CPA4: variants seen among roughly 807,000 people sequenced by gnomAD.
CPA4 encodes carboxypeptidase A4.
Under a neutral mutation model 54.7 loss-of-function variants are expected in CPA4, and 49 were observed. That is an observed-to-expected ratio of 0.90 (90% CI 0.71 to 1.14). CPA4 has a LOEUF of 1.14. Among genes scored for constraint, CPA4 ranks in the 50% most tolerant of loss-of-function variants. CPA4 has a pLI of 0.00. For missense variants in CPA4, 487 were observed against 525.1 expected, an observed-to-expected ratio of 0.93 and a Z score of 0.71; for synonymous variants, 215 against 206.8, an observed-to-expected ratio of 1.04 and a Z score of -0.34.
In CPA4 at chr7:130,305,806, C is replaced by A. The variant is rs375340609; in HGVS notation, c.487-10C>A. 2.4e-5 allele frequency: 39 copies of A among 1,611,860 alleles called. No individual in the cohort carries two copies. Among genetic ancestry groups the A allele is most frequent in the Non-Finnish European group, 3.3e-5 (39 of 1,178,062 alleles). Reference sequence around the variant, plus strand: ...GGCGGTCATTTTCGAGCCTTTTCTCCCTTCTGCAGTTCAGCACTGGGAAAG... The same window carrying A: ...GGCGGTCATTTTCGAGCCTTTTCTCACTTCTGCAGTTCAGCACTGGGAAAG... On this transcript the variant is annotated splice_polypyrimidine_tract_variant and intron_variant, in intron 5 of 10. Coordinates refer to ENST00000222482, the MANE Select transcript of CPA4 (RefSeq NM_016352.4).
At chr7:130,308,723 A>ATTTTTTTGTATTTTTTTT (rs199996063) in intron 8 of CPA4, among the ~76,000 whole-genome samples, 3 of 145,182 alleles carry the variant, frequency 2.1e-5, no homozygotes, top group Non-Finnish European at 4.5e-5. Context: ...ACGCCCGGCT[A>ATTTTTTTGTATTTTTTTT]TTTTTTTTCA....
In CPA4 at chr7:130,304,559, C is replaced by G; in HGVS notation, c.466C>G (p.Arg156Gly). ...GAAGATTGGACATTCGTTTGAAAAC[C>G]GGCCGATGTATGTACTGAAGGTGAG... ...RVKIGHSFEN[R>G]PMYVLKFSTG... The change falls in exon 5 of 11, where the codon CGG becomes GGG. Residue 156 changes from arginine to glycine, a missense_variant. Arg to Gly is a moderately radical substitution (Grantham distance 125, BLOSUM62 -2). Coordinates refer to ENST00000222482, the MANE Select transcript of CPA4 (RefSeq NM_016352.4). The G allele has an allele frequency of 6.2e-7, 1 of 1,611,670 alleles. No homozygotes were observed. The highest frequency in any genetic ancestry group is 8.5e-7 in the Non-Finnish European group (1 of 1,177,714).
chr7:130,298,707 T>G, intron 1 of CPA4, 39 bp from the exon 2 acceptor site: 1 of 1,273,258 alleles, frequency 7.9e-7, no homozygotes, highest in Non-Finnish European at 1.1e-6. Flanking sequence ...AAGCTCATCA[T>G]TATCTTTTGC....
At chr7:130,314,987 G>A (rs1446087994) in intron 10 of CPA4, among the ~76,000 whole-genome samples, 1 of 152,116 alleles carries the variant, frequency 6.6e-6, no homozygotes, top group African/African-American at 2.4e-5. Context: ...TTGGGTATGT[G>A]GTGAAGGGAA....
intron 3 of CPA4, among the ~76,000 whole-genome samples, chr7:130,300,363 GTCTC>G (rs1411654466): frequency 3.5e-4 from 49 of 140,402 alleles, no homozygotes; most frequent in African/African-American, 1.2e-3. Context: ...TTGAGATGGA[GTCTC>G]TCTCTTTCGC....
chr7:130,299,369 G>A lies in CPA4; in HGVS notation c.250G>A (p.Gly84Ser), dbSNP rs1418112193. 12 of 1,613,992 alleles carry A rather than the reference G, an allele frequency of 7.4e-6. No individual in the cohort carries two copies. Among genetic ancestry groups the A allele is most frequent in the Non-Finnish European group, 1.0e-5 (12 of 1,179,980 alleles). ...QAFKSFLRSQGLEYAVTIEDL... is the reference protein window; with the variant it reads ...QAFKSFLRSQSLEYAVTIEDL... ...ATTTAAATCCTTCCTGAGATCCCAG[G>A]GCTTAGAGTACGCAGTGACAATTGA... The change falls in exon 3 of 11, where the codon GGC (glycine) becomes AGC (serine). Residue 84 changes from glycine to serine, a missense_variant. Gly to Ser is a moderately conservative substitution (Grantham distance 56). Coordinates refer to ENST00000222482, the MANE Select transcript of CPA4 (RefSeq NM_016352.4).
intron 10 of CPA4, among the ~76,000 whole-genome samples, chr7:130,315,331 G>A (rs1177856252): frequency 1.3e-5 from 2 of 152,178 alleles, no homozygotes; most frequent in African/African-American, 4.8e-5. Context: ...AAGGGGCTGA[G>A]CATTGGAGGT....
Position 130,296,798 on chromosome 7 carries a change from C to T in CPA4, c.69-1948C>T, listed in dbSNP as rs182631525. ...GAACTCCTGGGCTCAAGCAATCCTCCTGCCTTAGCCTCCCAAGTATAGAAT... is the reference window on the plus strand; with the variant it reads ...GAACTCCTGGGCTCAAGCAATCCTCTTGCCTTAGCCTCCCAAGTATAGAAT... On this transcript the variant is annotated intron_variant, in intron 1 of 10. Transcript: ENST00000222482. Among the ~76,000 whole-genome samples, 6 of 145,800 alleles carry T rather than the reference C, an allele frequency of 4.1e-5. No homozygotes were observed. In the Admixed American group the frequency reaches 4.3e-4, roughly 10 times the overall value.
intron 3 of CPA4, among the ~76,000 whole-genome samples, chr7:130,300,377 C>T (rs1032249330): frequency 1.0e-4 from 15 of 148,040 alleles, no homozygotes; most frequent in Admixed American, 5.4e-4. Context: ...CTCTCTTTCG[C>T]CAGGCTAGAG....
At chr7:130,293,345 G>A in intron 1 of CPA4, 97 bp downstream of exon 1, 1 of 783,136 alleles carries the variant, frequency 1.3e-6, no homozygotes, top group South Asian at 1.4e-5. Flanking sequence ...CATGGAGGAA[G>A]AAGACCTGGG....
intron 1 of CPA4, among the ~76,000 whole-genome samples, chr7:130,293,785 C>T (rs967428377): frequency 2.0e-5 from 3 of 152,094 alleles, no homozygotes; most frequent in Admixed American, 1.3e-4. Flanking sequence ...TGAGCTGGTG[C>T]TTTCTTACTG....
At chr7:130,309,598 A>G (rs1269742254) in intron 8 of CPA4, among the ~76,000 whole-genome samples, 2 of 152,114 alleles carry the variant, frequency 1.3e-5, no homozygotes, top group Non-Finnish European at 1.5e-5. Flanking sequence ...TATCATATTT[A>G]TTCTTCTCAC....
rs1793903595 is a variant in CPA4, at chr7:130,310,975, GC to G, written c.984del (p.Glu329ArgfsTer55). 1.2e-6 allele frequency: 2 copies of G among 1,613,806 alleles called. No individual in the cohort carries two copies. The highest frequency in any genetic ancestry group is 1.7e-6 in the Non-Finnish European group (2 of 1,179,980). ...YGYSVKKAPD[A>X]EELDKVARLA... Reference sequence around the variant, plus strand: ...GTACTCAGTCAAAAAGGCCCCAGATGCCGAGGAACTCGTGAGTCACAGCTGC... The same window carrying G: ...GTACTCAGTCAAAAAGGCCCCAGATGCGAGGAACTCGTGAGTCACAGCTGC... On this transcript the variant is annotated frameshift_variant, in exon 9 of 11. Coordinates refer to ENST00000222482, the MANE Select transcript of CPA4 (RefSeq NM_016352.4). LOFTEE classifies it high-confidence loss of function. The surrounding 1 kb of genome is among the most constrained non-coding windows in gnomAD (Gnocchi z 4.3).
chr7:130,322,338 A>G (rs1205731063), intron 10 of CPA4, 151 bp from the exon 11 acceptor site: 6 of 637,400 alleles, frequency 9.4e-6, no homozygotes, highest in Non-Finnish European at 1.7e-5. Flanking sequence ...AGACATAGGG[A>G]TCAGGCTGAT....
At position 130,310,826 on chromosome 7, in the gene CPA4, A is replaced by G. The variant is rs1021050165; in HGVS notation, c.833A>G (p.His278Arg). Residue 278 changes from histidine (H) to arginine (R), a missense_variant, in exon 9 of 11, where the codon CAT (histidine) becomes CGT (arginine). Coordinates refer to ENST00000222482, the MANE Select transcript of CPA4 (RefSeq NM_016352.4). The surrounding 1 kb of genome is among the most constrained non-coding windows in gnomAD (Gnocchi z 4.3). ...GACAACCCTTGCTCCGAAGTGTACC[A>G]TGGACCCCACGCCAATTCGGAAGTG... ...ASDNPCSEVY[H>R]GPHANSEVEV... The G allele has an allele frequency of 1.9e-6, 3 of 1,614,222 alleles. No homozygotes were observed. Among genetic ancestry groups the G allele is most frequent in the Non-Finnish European group, 2.5e-6 (3 of 1,180,026 alleles).
At chr7:130,308,013 C>T (rs974603554) in intron 7 of CPA4, 7 of 403,720 alleles carry the variant, frequency 1.7e-5, no homozygotes, top group Non-Finnish European at 3.2e-5. Context: ...TCCATTTGCC[C>T]ACTTCTGCCA....
intron 1 of CPA4, chr7:130,293,621 A>C (rs1433308843): frequency 9.8e-6 from 2 of 203,472 alleles, no homozygotes; most frequent in East Asian, 3.4e-4. Context: ...GGTTACCAGA[A>C]ATGGTTTGTT....
intron 1 of CPA4, among the ~76,000 whole-genome samples, chr7:130,298,428 G>A (rs1484665738): frequency 6.6e-6 from 1 of 152,140 alleles, no homozygotes; most frequent in Non-Finnish European, 1.5e-5. Context: ...CGAACATAAG[G>A]GCTGTCAGCA....
chr7:130,299,662 G>A (rs1265139996), intron 3 of CPA4: 2 of 415,750 alleles, frequency 4.8e-6, no homozygotes, highest in Admixed American at 3.5e-5. Context: ...TATGTGCTGT[G>A]TCTTTGGACA....
Sources: gnomAD v4.1 joint callset for allele counts (sites outside exome capture counted in the v4.1 genomes callset) on GRCh38, gnomAD v4.1.1 for gene constraint, Gnocchi (gnomAD v3.1) non-coding constraint, MANE v1.5 for transcripts, NCBI Gene and HGNC (gene_info 2026-07-23, HGNC 2026-07-21) for gene names.